RGS6: variants seen among roughly 807,000 people sequenced by gnomAD.
RGS6 encodes the protein regulator of G protein signaling 6.
A neutral mutation model predicts 78.5 loss-of-function variants in RGS6; 30 were observed. That is an observed-to-expected ratio of 0.38 (90% confidence interval 0.29 to 0.52). The LOEUF (loss-of-function observed/expected upper bound fraction) is 0.52, where lower values mean the gene tolerates loss of function less well. Among genes scored for constraint, RGS6 ranks in the 20% least tolerant of loss-of-function variants. The pLI, the probability that RGS6 is intolerant of heterozygous loss-of-function variation, is 0.85. For missense variants in RGS6, 495 were observed against 609.7 expected, an observed-to-expected ratio of 0.81 and a Z score of 1.98; for synonymous variants, 206 against 206.0, an observed-to-expected ratio of 1.00 and a Z score of 0.00.
At chr14:72,017,225 T>G (rs2087221374) in intron 2 of RGS6, among the ~76,000 whole-genome samples, 1 of 152,166 alleles carries the variant, frequency 6.6e-6, no homozygotes, top group South Asian at 2.1e-4. Flanking sequence ...TTATCCCACA[T>G]TTTTTGTTGC....
intron 2 of RGS6, among the ~76,000 whole-genome samples, chr14:72,197,889 T>C (rs1300309260): frequency 6.6e-6 from 1 of 152,140 alleles, no homozygotes; most frequent in African/African-American, 2.4e-5. Flanking sequence ...CCAGGTTAGA[T>C]GCTAACCAAT....
intron 2 of RGS6, among the ~76,000 whole-genome samples, chr14:72,254,676 T>A (rs915834988): frequency 3.3e-5 from 5 of 152,160 alleles, no homozygotes; most frequent in African/African-American, 1.2e-4. Context: ...CTCCCTTCTT[T>A]ATGCTCAAGG....
At chr14:72,598,593 G>T in the RGS6 span, among the ~76,000 whole-genome samples, 2,604 of 152,312 alleles carry the variant, frequency 0.017, 81 homozygotes, top group African/African-American at 0.059. Flanking sequence ...AGCCTCGGAA[G>T]ACAGAGAGAC....
intron 1 of RGS6, among the ~76,000 whole-genome samples, chr14:71,948,070 C>T (rs2091795634): frequency 6.6e-6 from 1 of 152,184 alleles, no homozygotes; most frequent in Non-Finnish European, 1.5e-5. Context: ...AGAATTCAGG[C>T]TTAGCTGGAT....
chr14:72,104,356 T>G (rs572655312), intron 2 of RGS6, among the ~76,000 whole-genome samples: 1 of 152,360 alleles, frequency 6.6e-6, no homozygotes, highest in South Asian at 2.1e-4. Context: ...AAAAGCAGTC[T>G]TGTGAATTTA....
At chr14:72,097,050 CT>C (rs1252380703) in intron 2 of RGS6, among the ~76,000 whole-genome samples, 18 of 152,174 alleles carry the variant, frequency 1.2e-4, no homozygotes, top group Admixed American at 4.6e-4. Context: ...CTCGAGTGTC[CT>C]TTTCATGCCA....
chr14:72,228,536 G>C (rs535451062), intron 2 of RGS6, among the ~76,000 whole-genome samples: 1 of 152,218 alleles, frequency 6.6e-6, no homozygotes, highest in Non-Finnish European at 1.5e-5. Context: ...TGGTGGTTCA[G>C]TAGAAATAGA....
chr14:72,549,725 G>A (rs908227182), intron 17 of RGS6, among the ~76,000 whole-genome samples: 1 of 152,152 alleles, frequency 6.6e-6, no homozygotes, highest in Non-Finnish European at 1.5e-5. Flanking sequence ...AGCCAGGTGT[G>A]GTGGCACATG....
At chr14:72,549,940 C>G (rs1171314948) in intron 17 of RGS6, among the ~76,000 whole-genome samples, 1 of 152,186 alleles carries the variant, frequency 6.6e-6, no homozygotes, top group Non-Finnish European at 1.5e-5. Context: ...CTCTAGGGCC[C>G]TGCCAGGGGG....
At chr14:72,621,342 C>T in the RGS6 span, among the ~76,000 whole-genome samples, 24 of 151,916 alleles carry the variant, frequency 1.6e-4, no homozygotes, top group African/African-American at 5.1e-4. Flanking sequence ...TCTGGCCCCA[C>T]CCCCTAGTTT....
At chr14:72,255,580 TGAG>T (rs1015422810) in intron 2 of RGS6, among the ~76,000 whole-genome samples, 3 of 152,208 alleles carry the variant, frequency 2.0e-5, no homozygotes, top group Non-Finnish European at 4.4e-5. Flanking sequence ...AGAGATGGAC[TGAG>T]ATACCTCAGT....
intron 2 of RGS6, among the ~76,000 whole-genome samples, chr14:72,090,921 T>A (rs1391684691): frequency 6.6e-6 from 1 of 152,138 alleles, no homozygotes; most frequent in East Asian, 1.9e-4. Context: ...GGCCCTTATT[T>A]TCTTTTGGCC....
At chr14:72,447,268 A>G (rs1341265161) in intron 3 of RGS6, among the ~76,000 whole-genome samples, 1 of 152,018 alleles carries the variant, frequency 6.6e-6, no homozygotes, top group African/African-American at 2.4e-5. Flanking sequence ...GAGGGCACCT[A>G]TTTTGCTTTC....
In RGS6 at chr14:72,296,451, A is replaced by G. The variant is rs544259100; in HGVS notation, c.85-55644A>G. 6.7e-4 allele frequency among the ~76,000 whole-genome samples: 102 copies of G among 152,350 alleles called. 1 individual carries two copies. Among genetic ancestry groups the G allele is most frequent in the African/African-American group, 2.3e-3 (97 of 41,584 alleles). On this transcript the variant is annotated intron_variant, in intron 2 of 17. Coordinates refer to ENST00000553525, the MANE Select transcript of RGS6 (RefSeq NM_001204424.2). The stretch of plus-strand genomic sequence containing the variant: ...ATTATCCATTTTACACATCCATGCA[A>G]TATATGAGCATTCTGATTGTTCCAC...
chr14:72,141,279 G>A (rs973078275), intron 2 of RGS6, among the ~76,000 whole-genome samples: 10 of 152,120 alleles, frequency 6.6e-5, no homozygotes, highest in Non-Finnish European at 1.5e-5. Context: ...TCCCCATTTT[G>A]CTGACTCATC....
At chr14:72,374,471 T>C (rs567361811) in intron 3 of RGS6, among the ~76,000 whole-genome samples, 1 of 152,314 alleles carries the variant, frequency 6.6e-6, no homozygotes, top group South Asian at 2.1e-4. Flanking sequence ...AATGATAGAC[T>C]GGATTAAGAA....
intron 9 of RGS6, 28 bp from the exon 10 acceptor site, chr14:72,474,597 T>C: frequency 6.3e-7 from 1 of 1,591,258 alleles, no homozygotes; most frequent in Non-Finnish European, 8.5e-7. Context: ...CACGTAGTAA[T>C]TTATATGATG....
chr14:72,176,125 A>G (rs1230773379), intron 2 of RGS6, among the ~76,000 whole-genome samples: 1 of 152,100 alleles, frequency 6.6e-6, no homozygotes, highest in Non-Finnish European at 1.5e-5. Context: ...TTTCCAGTCC[A>G]CCCCTTAGTT....
chr14:72,211,605 T>A (rs1369802567), intron 2 of RGS6, among the ~76,000 whole-genome samples: 3 of 152,114 alleles, frequency 2.0e-5, no homozygotes, highest in African/African-American at 7.2e-5. Flanking sequence ...AAGACAGAAG[T>A]CCGGTAACAA....
Sources: allele counts gnomAD v4.1 joint callset (sites outside exome capture counted in the v4.1 genomes callset), GRCh38; gene constraint gnomAD v4.1.1; transcripts MANE v1.5; gene names NCBI Gene and HGNC (gene_info 2026-07-23, HGNC 2026-07-21).